SLMAP: variants seen among roughly 807,000 people sequenced by gnomAD.
The protein encoded by SLMAP is sarcolemma associated protein.
In SLMAP, 44 loss-of-function variants were observed where a neutral mutation model predicts 128.8. The ratio of observed to expected loss-of-function variants is 0.34; its 90% CI spans 0.27 to 0.44. The LOEUF (loss-of-function observed/expected upper bound fraction) is 0.44, where lower values mean the gene tolerates loss of function less well. SLMAP is among the 20% of genes least tolerant of loss of function. The pLI is 1.00. For synonymous variants in SLMAP, 327 were observed against 348.8 expected (o/e 0.94, Z 0.70); for missense variants, 787 against 985.3 (o/e 0.80, Z 2.69).
intron 8 of SLMAP, among the ~76,000 whole-genome samples, chr3:57,860,496 G>A (rs1304147761): frequency 6.6e-6 from 1 of 152,016 alleles, no homozygotes; most frequent in Non-Finnish European, 1.5e-5. Context: ...TCTATAGGAA[G>A]TGGAAATTAG....
At chr3:57,926,027 A>G in intron 24 of SLMAP, 93 bp downstream of exon 24, 1 of 883,854 alleles carries the variant, frequency 1.1e-6, no homozygotes, top group Non-Finnish European at 1.8e-6. Context: ...ACACACAGGT[A>G]TTTTGTTACC....
chr3:57,909,690 G>A (rs564014035), intron 19 of SLMAP, among the ~76,000 whole-genome samples: 1 of 151,006 alleles, frequency 6.6e-6, no homozygotes, highest in South Asian at 2.1e-4. Context: ...TCACCTTACT[G>A]CAACCTCCGC....
intron 2 of SLMAP, among the ~76,000 whole-genome samples, chr3:57,826,443 A>G (rs889938025): frequency 1.3e-5 from 2 of 152,180 alleles, no homozygotes; most frequent in Non-Finnish European, 2.9e-5. Flanking sequence ...TGAACTTTAA[A>G]AAGGGGTCAT....
chr3:57,758,640 A>T (rs971208803), intron 2 of SLMAP, among the ~76,000 whole-genome samples: 1 of 152,246 alleles, frequency 6.6e-6, no homozygotes, highest in Admixed American at 6.5e-5. Flanking sequence ...ATGTGATACG[A>T]TGAATTCAGT....
chr3:57,788,162 G>A (rs377209460), intron 2 of SLMAP, among the ~76,000 whole-genome samples: 1 of 152,236 alleles, frequency 6.6e-6, no homozygotes, highest in Non-Finnish European at 1.5e-5. Flanking sequence ...GAAACTGAGT[G>A]ATTTTTGTGA....
chr3:57,869,643 T>TATATATATATATATATA (rs911238673), intron 13 of SLMAP, among the ~76,000 whole-genome samples: 2 of 129,680 alleles, frequency 1.5e-5, no homozygotes, highest in African/African-American at 6.1e-5. Context: ...TATATATATA[T>TATATATATATATATATA]ATATATATAT....
chr3:57,841,072 T>G (rs2093913349), intron 3 of SLMAP, among the ~76,000 whole-genome samples: 1 of 152,190 alleles, frequency 6.6e-6, no homozygotes, highest in Non-Finnish European at 1.5e-5. Flanking sequence ...GAATTGGAGA[T>G]TAAGACACTT....
intron 13 of SLMAP, among the ~76,000 whole-genome samples, chr3:57,868,935 T>C (rs1560331449): frequency 7.3e-6 from 1 of 136,640 alleles, no homozygotes; most frequent in Non-Finnish European, 1.6e-5. Flanking sequence ...ATAATATATG[T>C]TATATGTGTG....
intron 2 of SLMAP, among the ~76,000 whole-genome samples, chr3:57,818,217 G>T (rs757462461): frequency 3.9e-5 from 6 of 151,968 alleles, no homozygotes; most frequent in Non-Finnish European, 5.9e-5. Flanking sequence ...GTGCAGTGGC[G>T]CAATCTTGGC....
chr3:57,925,968 G>C (rs1021347176), intron 24 of SLMAP, 34 bp downstream of exon 24: 48 of 1,448,808 alleles, frequency 3.3e-5, no homozygotes, highest in Non-Finnish European at 4.2e-5. Context: ...TTGTCTGTTT[G>C]TCCCCGTCAC....
At chr3:57,851,762 G>A (rs552942222) in intron 6 of SLMAP, among the ~76,000 whole-genome samples, 108 of 152,218 alleles carry the variant, frequency 7.1e-4, no homozygotes, top group Non-Finnish European at 1.3e-3. Context: ...TGGGATTACA[G>A]GTGTGAGCCA....
Position 57,757,992 on chromosome 3 carries a change from G to A in SLMAP, c.198+143G>A, listed in dbSNP as rs921032134. 4.7e-5 allele frequency: 32 copies of A among 687,688 alleles called. No homozygotes were observed. In the African/African-American group the frequency reaches 5.2e-4, roughly 11 times the overall value. The allele number at this position is 687,688 out of a possible 1,614,324, so 42.6% of individuals were successfully genotyped here. A position where few individuals can be genotyped will look rare whatever the true frequency, so the allele number is the denominator to read the frequency against. On this transcript the variant is annotated intron_variant, in intron 2 of 24. Coordinates refer to ENST00000671191, the MANE Select transcript of SLMAP (RefSeq NM_001377540.1). Reference sequence around the variant, plus strand: ...GCAAAGCCACGAATCAACTGTTTGTGTGCCTGGTTCTAGTGGAAATTTGAT... The same window carrying A: ...GCAAAGCCACGAATCAACTGTTTGTATGCCTGGTTCTAGTGGAAATTTGAT...
intron 9 of SLMAP, among the ~76,000 whole-genome samples, chr3:57,861,596 T>A (rs1278266997): frequency 2.0e-5 from 3 of 152,232 alleles, no homozygotes; most frequent in Non-Finnish European, 2.9e-5. Context: ...GATTGCTGGA[T>A]ATTATTAAAC....
chr3:57,772,643 T>A (rs1166668824), intron 2 of SLMAP, among the ~76,000 whole-genome samples: 2 of 151,924 alleles, frequency 1.3e-5, no homozygotes, highest in African/African-American at 2.4e-5. Context: ...TTCTTTTTTT[T>A]AATTTTTTTT....
intron 3 of SLMAP, among the ~76,000 whole-genome samples, chr3:57,836,566 G>A (rs1461078247): frequency 6.6e-6 from 1 of 151,988 alleles, no homozygotes; most frequent in Admixed American, 6.6e-5. Context: ...TCGAACTCCT[G>A]GCCTCAAGTG....
intron 20 of SLMAP, 116 bp downstream of exon 20, chr3:57,912,817 A>G: frequency 1.4e-6 from 1 of 691,194 alleles, no homozygotes; most frequent in Non-Finnish European, 2.2e-6. Context: ...AGTTGTATAA[A>G]CCAATGTTTT....
intron 6 of SLMAP, among the ~76,000 whole-genome samples, chr3:57,851,149 A>G (rs2094483844): frequency 6.6e-6 from 1 of 152,184 alleles, no homozygotes; most frequent in East Asian, 1.9e-4. Flanking sequence ...AATAATTTAT[A>G]CAGTATCACA....
chr3:57,828,643 G>A (rs146232688), intron 2 of SLMAP, among the ~76,000 whole-genome samples: 2 of 152,266 alleles, frequency 1.3e-5, no homozygotes, highest in Non-Finnish European at 2.9e-5. Context: ...CCATTAGCAG[G>A]TTGAAAGCAG....
chr3:57,831,804 A>T (rs2093354001), intron 3 of SLMAP, among the ~76,000 whole-genome samples: 1 of 152,188 alleles, frequency 6.6e-6, no homozygotes, highest in African/African-American at 2.4e-5. Flanking sequence ...CTTAAATCAC[A>T]GGATATTTAT....
Sources: allele counts gnomAD v4.1 joint callset (sites outside exome capture counted in the v4.1 genomes callset), GRCh38; gene constraint gnomAD v4.1.1; transcripts MANE v1.5; gene names NCBI Gene and HGNC (gene_info 2026-07-23, HGNC 2026-07-21).